PTPRA: variants seen among roughly 807,000 people sequenced by gnomAD.
PTPRA encodes the protein protein tyrosine phosphatase receptor type A, also known as receptor-type tyrosine-protein phosphatase alpha.
Under a neutral mutation model 104.8 loss-of-function variants are expected in PTPRA, and 25 were observed. The ratio of observed to expected loss-of-function variants is 0.24; its 90% CI spans 0.17 to 0.33. The LOEUF is 0.33. PTPRA is among the 10% of genes least tolerant of loss of function. The pLI is 1.00. For synonymous variants in PTPRA, 323 were observed against 368.9 expected, an observed-to-expected ratio of 0.88 and a Z score of 1.43; for missense variants, 765 against 1,015.3, an observed-to-expected ratio of 0.75 and a Z score of 3.35.
chr20:2,903,885 A>G (rs568713491), intron 1 of PTPRA, among the ~76,000 whole-genome samples: 1 of 151,980 alleles, frequency 6.6e-6, no homozygotes, highest in Admixed American at 6.6e-5. Context: ...TATCCCTTTT[A>G]AGGATTTGCT....
In PTPRA at chr20:2,988,369, C is replaced by G. The variant is rs61742610; in HGVS notation, c.633C>G (p.Ser211=). ...AGAGTGTGCCACTTCTGGCCAGATC[C>G]CCAAGCACCAACAGGAAATACCCAC... ...EPQSVPLLAR[S]PSTNRKYPPL... Residue 211 remains serine (S), a synonymous_variant, in exon 9 of 24, where the codon TCC becomes TCG. Coordinates refer to ENST00000399903, the MANE Select transcript of PTPRA (RefSeq NM_001385305.1). The G allele has an allele frequency of 7.5e-3, 12,106 of 1,609,904 alleles. 322 individuals carry two copies. Among genetic ancestry groups the G allele is most frequent in the African/African-American group, 0.066 (4,931 of 74,554 alleles).
intron 1 of PTPRA, among the ~76,000 whole-genome samples, chr20:2,899,059 A>G (rs1287423874): frequency 3.3e-5 from 5 of 152,080 alleles, no homozygotes; most frequent in Non-Finnish European, 7.4e-5. Context: ...TTGTTTTAAA[A>G]TGTACCAGGT....
At chr20:2,976,743 G>C (rs552415008) in intron 6 of PTPRA, among the ~76,000 whole-genome samples, 9 of 152,298 alleles carry the variant, frequency 5.9e-5, no homozygotes, top group African/African-American at 1.9e-4. Context: ...TAAGCCAAAT[G>C]CTTTTTGAGA....
chr20:2,983,465 C>A (rs944157690), intron 6 of PTPRA, among the ~76,000 whole-genome samples: 1 of 150,580 alleles, frequency 6.6e-6, no homozygotes, highest in Admixed American at 6.7e-5. Context: ...TCCTAGAGAT[C>A]ACTCTGCTTT....
At chr20:2,929,975 A>G (rs1217469112) in intron 2 of PTPRA, among the ~76,000 whole-genome samples, 4 of 152,236 alleles carry the variant, frequency 2.6e-5, no homozygotes, top group African/African-American at 4.8e-5. Context: ...AGGTGAGGAT[A>G]CAGTAAGATG....
At chr20:2,939,595 C>T (rs1174892407) in intron 2 of PTPRA, among the ~76,000 whole-genome samples, 3 of 152,198 alleles carry the variant, frequency 2.0e-5, no homozygotes, top group Non-Finnish European at 4.4e-5. Flanking sequence ...TTTCTTGGCA[C>T]TTTCTTGTCT....
At chr20:2,892,289 CAAAAAA>C (rs34741114) in intron 1 of PTPRA, among the ~76,000 whole-genome samples, 1 of 80,572 alleles carries the variant, frequency 1.2e-5, no homozygotes. Flanking sequence ...GACTCTGTCT[CAAAAAA>C]AAAAAAAAAA....
chr20:2,900,298 A>C (rs1412706383), intron 1 of PTPRA, among the ~76,000 whole-genome samples: 1 of 152,098 alleles, frequency 6.6e-6, no homozygotes, highest in Non-Finnish European at 1.5e-5. Flanking sequence ...GGCACGTGCC[A>C]CTGTGCTTGG....
At chr20:2,921,704 C>A (rs915484745) in intron 1 of PTPRA, among the ~76,000 whole-genome samples, 1 of 151,810 alleles carries the variant, frequency 6.6e-6, no homozygotes, top group Non-Finnish European at 1.5e-5. Flanking sequence ...GGGCAAAGGG[C>A]TTATTAGAGG....
chr20:2,874,598 C>T (rs1268644501), intron 1 of PTPRA, among the ~76,000 whole-genome samples: 1 of 152,168 alleles, frequency 6.6e-6, no homozygotes, highest in Non-Finnish European at 1.5e-5. Context: ...CGTTTGCCAC[C>T]TGCTAGCTGT....
At chr20:2,900,653 C>T (rs1237667398) in intron 1 of PTPRA, among the ~76,000 whole-genome samples, 2 of 151,646 alleles carry the variant, frequency 1.3e-5, no homozygotes, top group Non-Finnish European at 2.9e-5. Context: ...GTCAGGAGTT[C>T]GAGACCAGCC....
chr20:3,017,688 A>G (rs571038915), intron 12 of PTPRA, 128 bp from the exon 13 acceptor site: 6 of 711,634 alleles, frequency 8.4e-6, no homozygotes, highest in South Asian at 7.0e-5. Context: ...GGATGGATAC[A>G]TGGGTTAGAT....
chr20:3,032,646 A>G (rs887660147), intron 20 of PTPRA, among the ~76,000 whole-genome samples: 7 of 151,808 alleles, frequency 4.6e-5, no homozygotes, highest in Non-Finnish European at 5.9e-5. Flanking sequence ...CATGCCTGTG[A>G]TCCCAGCTAC....
chr20:3,027,008 A>G (rs1054763797), intron 18 of PTPRA, 113 bp from the exon 19 acceptor site: 3 of 1,208,996 alleles, frequency 2.5e-6, no homozygotes, highest in East Asian at 2.3e-5. Context: ...AGGAACAGAC[A>G]TGTCCTTGCC....
At position 2,948,040 on chromosome 20, in the gene PTPRA, G is replaced by GT; in HGVS notation, c.-7+22dup. 2.9e-6 allele frequency: 3 copies of GT among 1,042,234 alleles called. No homozygotes were observed. The highest frequency in any genetic ancestry group is 3.9e-6 in the Non-Finnish European group (3 of 774,028). 64.6% of individuals were successfully genotyped at this position (1,042,234 alleles called of 1,614,324 possible). ...AAAGAAGCTAGTAAGTACTGAAATA[G>GT]TTTTTTAAGTTTTTTCTACAAGAAT... On this transcript the variant is annotated intron_variant, in intron 3 of 23. Coordinates refer to ENST00000399903, the MANE Select transcript of PTPRA (RefSeq NM_001385305.1).
rs1198772079 is a variant in PTPRA at position 3,035,725 on chromosome 20, G to C, written c.2046+15G>C. ...CCAACACCAGGGTAAGATGGGTCGT[G>C]GGTGGACTCTGCCCACAGGAAAAGC... On this transcript the variant is annotated intron_variant, in intron 21 of 23. Coordinates refer to ENST00000399903, the MANE Select transcript of PTPRA (RefSeq NM_001385305.1). This position sits in a 1 kb window ranked among gnomAD's most constrained non-coding sequence, Gnocchi z 5.8. 2 of 1,614,148 alleles carry C rather than the reference G, an allele frequency of 1.2e-6. No individual in the cohort carries two copies. The highest frequency in any genetic ancestry group is 2.2e-5 in the South Asian group (2 of 91,076).
chr20:2,967,404 G>C (rs2061985347), intron 5 of PTPRA, among the ~76,000 whole-genome samples: 2 of 152,028 alleles, frequency 1.3e-5, no homozygotes, highest in South Asian at 4.2e-4. Flanking sequence ...CCATTTACCA[G>C]TCCTCCTGTA....
intron 2 of PTPRA, among the ~76,000 whole-genome samples, chr20:2,943,997 A>G (rs1401072689): frequency 2.0e-5 from 3 of 151,790 alleles, no homozygotes; most frequent in Non-Finnish European, 2.9e-5. Context: ...AATTCTGTGA[A>G]TATCAATCAA....
At chr20:2,866,242 A>G in the PTPRA span, 2 of 1,613,960 alleles carry the variant, frequency 1.2e-6, no homozygotes, top group Non-Finnish European at 1.7e-6. Flanking sequence ...GAAACAACAT[A>G]ACAAATACGA....
Sources: allele counts gnomAD v4.1 joint callset (sites outside exome capture counted in the v4.1 genomes callset), GRCh38; gene constraint gnomAD v4.1.1; non-coding constraint Gnocchi (gnomAD v3.1); transcripts MANE v1.5; gene names NCBI Gene and HGNC (gene_info 2026-07-23, HGNC 2026-07-21).